Variants in APC observed in about 807,000 individuals in gnomAD.
The protein encoded by APC is APC regulator of Wnt signaling pathway.
A neutral mutation model predicts 247.0 loss-of-function variants in APC; 72 were observed. The observed-to-expected ratio is 0.29, with a 90% confidence interval of 0.24 to 0.35. The LOEUF (loss-of-function observed/expected upper bound fraction) is 0.35. Among genes scored for constraint, APC ranks in the 10% least tolerant of loss-of-function variants. The pLI is 1.00. For synonymous variants in APC, 1,254 were observed against 1,162.5 expected (o/e 1.08, Z -1.60); for missense variants, 3,400 against 3,360.7 (o/e 1.01, Z -0.29).
intron 1 of APC, among the ~76,000 whole-genome samples, chr5:112,742,779 C>A (rs1753198552): frequency 6.6e-6 from 1 of 152,096 alleles, no homozygotes; most frequent in African/African-American, 2.4e-5. Context: ...CTAAGTCCAG[C>A]CCACCAAAGA....
At chr5:112,713,817 C>A (rs929210028) in intron 1 of APC, among the ~76,000 whole-genome samples, 4 of 152,094 alleles carry the variant, frequency 2.6e-5, no homozygotes, top group Admixed American at 1.3e-4. Context: ...GCCACCACAC[C>A]CAGCTAATTT....
At chr5:112,786,619 G>T (rs899099287) in intron 6 of APC, among the ~76,000 whole-genome samples, 4 of 152,258 alleles carry the variant, frequency 2.6e-5, no homozygotes, top group Non-Finnish European at 5.9e-5. Flanking sequence ...ACTGTTTAAT[G>T]TAGTTTATCT....
chr5:112,724,490 G>A (rs1751661348), intron 1 of APC, among the ~76,000 whole-genome samples: 1 of 151,700 alleles, frequency 6.6e-6, no homozygotes, highest in Non-Finnish European at 1.5e-5. Flanking sequence ...ATACAATTAT[G>A]ACATACAAGA....
At chr5:112,775,225 T>C (rs1241375459) in intron 4 of APC, among the ~76,000 whole-genome samples, 1 of 152,202 alleles carries the variant, frequency 6.6e-6, no homozygotes, top group African/African-American at 2.4e-5. Context: ...TAGCTTCTTA[T>C]ATTCTGGGTT....
Position 112,755,136 on chromosome 5 carries a change from A to G in APC, c.135+111A>G, listed in dbSNP as rs1754818955. The stretch of plus-strand genomic sequence containing the variant: ...AAAAGTGTATTTTAAATTAAGCAAT[A>G]ATATGTAAACTCTTTCTTGCAAAAG... On this transcript the variant is annotated intron_variant, in intron 2 of 15. Coordinates refer to ENST00000257430, the MANE Select transcript of APC (RefSeq NM_000038.6). 10 of 1,467,758 alleles carry G rather than the reference A, an allele frequency of 6.8e-6. 1 individual carries two copies. In the South Asian group the frequency reaches 1.3e-4, roughly 18 times the overall value. 90.9% of individuals were successfully genotyped at this position (1,467,758 alleles called of 1,614,324 possible). A position where few individuals can be genotyped will look rare whatever the true frequency, so the allele number is the denominator to read the frequency against.
intron 4 of APC, among the ~76,000 whole-genome samples, chr5:112,771,093 G>A (rs746858446): frequency 6.6e-6 from 1 of 151,868 alleles, no homozygotes; most frequent in Non-Finnish European, 1.5e-5. Context: ...TGTAGTCGTT[G>A]GACACTGTGA....
chr5:112,816,629 A>C (rs960246948), intron 9 of APC, among the ~76,000 whole-genome samples: 1 of 151,894 alleles, frequency 6.6e-6, no homozygotes, highest in Non-Finnish European at 1.5e-5. Context: ...CCCCGTCTCT[A>C]CTAAAAATAC....
chr5:112,763,935 C>G (rs770687664), intron 2 of APC, among the ~76,000 whole-genome samples: 2 of 152,102 alleles, frequency 1.3e-5, no homozygotes, highest in Non-Finnish European at 2.9e-5. Context: ...GGAGAAGAAT[C>G]TTACAAAGAG....
In APC at chr5:112,841,057, G is replaced by A. The variant is rs1319199935; in HGVS notation, c.5463G>A (p.Lys1821=). ...SKKQNLKNNS[K]VFNDKLPNNE... ...AACAGAATTTGAAAAATAATTCCAAGGTCTTCAATGATAAGCTCCCAAATA... is the reference window on the plus strand; with the variant it reads ...AACAGAATTTGAAAAATAATTCCAAAGTCTTCAATGATAAGCTCCCAAATA... The change falls in exon 16 of 16, where the codon AAG becomes AAA. Residue 1821 remains lysine, a synonymous_variant. Coordinates refer to ENST00000257430, the MANE Select transcript of APC (RefSeq NM_000038.6). The surrounding 1 kb of genome is among the most constrained non-coding windows in gnomAD (Gnocchi z 4.6). 1.9e-6 allele frequency: 3 copies of A among 1,612,078 alleles called. No individual in the cohort carries two copies. Among genetic ancestry groups the A allele is most frequent in the African/African-American group, 1.3e-5 (1 of 74,822 alleles).
At chr5:112,712,746 C>G (rs1750930624) in intron 1 of APC, among the ~76,000 whole-genome samples, 1 of 152,182 alleles carries the variant, frequency 6.6e-6, no homozygotes, top group Non-Finnish European at 1.5e-5. Flanking sequence ...CTACCTCTCT[C>G]TCAACAACCC....
intron 13 of APC, among the ~76,000 whole-genome samples, 154 bp downstream of exon 13, chr5:112,828,160 C>G (rs573515845): frequency 6.6e-6 from 1 of 152,226 alleles, no homozygotes; most frequent in Admixed American, 6.5e-5. Context: ...TTCAGCCTCT[C>G]GAGGCTGGGC....
intron 8 of APC, among the ~76,000 whole-genome samples, chr5:112,812,206 A>G (rs1762056047): frequency 1.3e-5 from 2 of 152,220 alleles, no homozygotes; most frequent in Admixed American, 6.5e-5. Context: ...AGGGATTACA[A>G]AAACGCGTGA....
At position 112,761,633 on chromosome 5, in the gene APC, CAA is replaced by C. The variant is rs534536247; in HGVS notation, c.136-4692_136-4691del. Among the ~76,000 whole-genome samples the C allele has an allele frequency of 2.9e-4, 44 of 152,146 alleles. No individual in the cohort carries two copies. In the East Asian group the frequency reaches 7.9e-3, roughly 27 times the overall value. ...AATGGAAAAAACAAAAAAGACAAAA[CAA>C]TGGCTTCTAGAAGAAAACATAGGTA... On this transcript the variant is annotated intron_variant, in intron 2 of 15. Coordinates refer to ENST00000257430, the MANE Select transcript of APC (RefSeq NM_000038.6).
At chr5:112,775,918 T>C (rs970155789) in intron 5 of APC, among the ~76,000 whole-genome samples, 181 bp downstream of exon 5, 4 of 152,220 alleles carry the variant, frequency 2.6e-5, no homozygotes, top group Non-Finnish European at 4.4e-5. Flanking sequence ...GTAAAGATGA[T>C]AAAACTTTAT....
intron 6 of APC, among the ~76,000 whole-genome samples, chr5:112,786,110 G>A (rs1370618087): frequency 6.6e-6 from 1 of 152,124 alleles, no homozygotes; most frequent in African/African-American, 2.4e-5. Context: ...TCAGAGAGGG[G>A]GTTTTGCTGG....
rs2149859017 is a variant in APC at position 112,837,618 on chromosome 5, C to T, written c.2024C>T (p.Thr675Ile). 1 of 1,612,126 alleles carries T rather than the reference C, an allele frequency of 6.2e-7. No homozygotes were observed. The highest frequency in any genetic ancestry group is 8.5e-7 in the Non-Finnish European group (1 of 1,178,376). Reference protein sequence around the residue: ...LLQHLKSHSLTIVSNACGTLW... With the variant: ...LLQHLKSHSLIIVSNACGTLW... ...CAACACTTAAAATCTCATAGTTTGACAATAGTCAGTAATGCATGTGGAACT... is the reference window on the plus strand; with the variant it reads ...CAACACTTAAAATCTCATAGTTTGATAATAGTCAGTAATGCATGTGGAACT... The change falls in exon 16 of 16, where the codon ACA (threonine) becomes ATA (isoleucine). Residue 675 changes from threonine to isoleucine, a missense_variant. Thr to Ile is a moderately conservative substitution (Grantham distance 89). Around this residue, in one of 9 missense-constraint regions of APC, gnomAD observed 184 missense variants for 248.0 expected, o/e 0.74. Coordinates refer to ENST00000257430, the MANE Select transcript of APC (RefSeq NM_000038.6).
rs2149922916 is a variant in APC, at chr5:112,840,347, A to G, written c.4753A>G (p.Thr1585Ala). ...AGAATGTATTATTTCTGCCATGCCA[A>G]CAAAGTCATCACGTAAAGCAAAAAA... ...LEECIISAMP[T>A]KSSRKAKKPA... The change falls in exon 16 of 16, where the codon ACA becomes GCA. Residue 1585 changes from threonine to alanine, a missense_variant. Thr to Ala is a moderately conservative substitution (Grantham distance 58). Transcript: ENST00000257430. This position sits in a 1 kb window ranked among gnomAD's most constrained non-coding sequence, Gnocchi z 4.1. 6.2e-7 allele frequency: 1 copy of G among 1,614,226 alleles called. No individual in the cohort carries two copies. The highest frequency in any genetic ancestry group is 1.7e-5 in the Admixed American group (1 of 60,024).
chr5:112,767,861 C>CT lies in APC; in HGVS notation c.422+474dup, dbSNP rs1412791038. Among the ~76,000 whole-genome samples the CT allele has an allele frequency of 5.3e-5, 8 of 151,884 alleles. No individual in the cohort carries two copies. In the South Asian group the frequency reaches 1.7e-3, roughly 32 times the overall value. On this transcript the variant is annotated intron_variant, in intron 4 of 15. Transcript: ENST00000257430. The stretch of plus-strand genomic sequence containing the variant: ...GGCCAAGCTGGTTATCACTTAAATA[C>CT]TTTGACTACTCTGTACATTGAGTAA...
At chr5:112,769,142 C>T (rs1756735663) in intron 4 of APC, among the ~76,000 whole-genome samples, 1 of 149,322 alleles carries the variant, frequency 6.7e-6, no homozygotes, top group Non-Finnish European at 1.5e-5. Flanking sequence ...CCTCCACCTC[C>T]TAGGTTCAAG....
Sources: gnomAD v4.1 joint callset for allele counts (sites outside exome capture counted in the v4.1 genomes callset) on GRCh38, gnomAD v4.1.1 for gene constraint, gnomAD v4.1.1 regional missense constraint, Gnocchi (gnomAD v3.1) non-coding constraint, MANE v1.5 for transcripts, NCBI Gene and HGNC (gene_info 2026-07-23, HGNC 2026-07-21) for gene names.